The following CNBD1 variants were observed in gnomAD, a reference collection of about 807,000 sequenced individuals.
CNBD1 encodes cyclic nucleotide binding domain containing 1.
In CNBD1, 71 loss-of-function variants were observed where a neutral mutation model predicts 54.4. The observed-to-expected ratio is 1.30, with a 90% CI of 1.08 to 1.59. The LOEUF is 1.59. CNBD1 is among the 40% of genes most tolerant of loss of function. CNBD1 has a pLI of 0.00. For synonymous variants in CNBD1, 182 were observed against 170.7 expected (o/e 1.07, Z -0.51); for missense variants, 659 against 518.0 (o/e 1.27, Z -2.64).
At chr8:87,244,268 C>A (rs1259050221) in intron 6 of CNBD1, among the ~76,000 whole-genome samples, 1 of 152,086 alleles carries the variant, frequency 6.6e-6, no homozygotes, top group Admixed American at 6.6e-5. Context: ...TCTGATAAAC[C>A]TTTCCAAAGG....
At chr8:86,999,930 A>G (rs1261035598) in intron 4 of CNBD1, among the ~76,000 whole-genome samples, 2 of 152,234 alleles carry the variant, frequency 1.3e-5, no homozygotes. Flanking sequence ...ATTCTGCAAC[A>G]TTGCAAAGCA....
intron 4 of CNBD1, among the ~76,000 whole-genome samples, chr8:87,173,414 C>T (rs1483624668): frequency 1.3e-5 from 2 of 152,134 alleles, no homozygotes; most frequent in Non-Finnish European, 2.9e-5. Context: ...TGCTCATTAA[C>T]TTTCTTTTCT....
At chr8:87,371,737 C>T (rs1434469100) in intron 10 of CNBD1, among the ~76,000 whole-genome samples, 1 of 151,866 alleles carries the variant, frequency 6.6e-6, no homozygotes, top group Non-Finnish European at 1.5e-5. Context: ...AGACAAAAAC[C>T]ACATGATTAT....
intron 4 of CNBD1, among the ~76,000 whole-genome samples, chr8:86,944,268 C>A (rs1436686448): frequency 1.3e-5 from 2 of 152,146 alleles, no homozygotes; most frequent in African/African-American, 2.4e-5. Flanking sequence ...ATCCAACATA[C>A]ACTTTTGAAC....
At chr8:86,961,174 A>G (rs1478054164) in intron 4 of CNBD1, among the ~76,000 whole-genome samples, 1 of 152,224 alleles carries the variant, frequency 6.6e-6, no homozygotes, top group Non-Finnish European at 1.5e-5. Context: ...ACATACACAA[A>G]TGAAGATCCA....
rs542704983 is a variant in CNBD1 at position 87,042,864 on chromosome 8, T to G, written c.431+103110T>G. 3.9e-5 allele frequency among the ~76,000 whole-genome samples: 6 copies of G among 152,280 alleles called. No individual in the cohort carries two copies. In the South Asian group the frequency reaches 1.2e-3, roughly 32 times the overall value. Reference sequence around the variant, plus strand: ...ATTCCTCTAAATTGTATAGATATAATTTTAATCTTAGAAATTATATCTATA... The same window carrying G: ...ATTCCTCTAAATTGTATAGATATAAGTTTAATCTTAGAAATTATATCTATA... On this transcript the variant is annotated intron_variant, in intron 4 of 10. Transcript: ENST00000518476.
At chr8:87,373,927 G>A (rs779483110) in intron 10 of CNBD1, among the ~76,000 whole-genome samples, 1 of 151,582 alleles carries the variant, frequency 6.6e-6, no homozygotes, top group African/African-American at 2.4e-5. Context: ...TTAAATATTT[G>A]TATTGCAAAA....
intron 2 of CNBD1, among the ~76,000 whole-genome samples, chr8:87,422,997 G>GT (rs1407594374): frequency 1.3e-5 from 2 of 151,784 alleles, no homozygotes; most frequent in African/African-American, 4.9e-5. Context: ...CACATCCCTT[G>GT]TAAGTTGGAT....
At chr8:87,302,030 C>T (rs374570086) in intron 8 of CNBD1, among the ~76,000 whole-genome samples, 5 of 152,106 alleles carry the variant, frequency 3.3e-5, no homozygotes, top group South Asian at 4.2e-4. Context: ...CAGGACCAGA[C>T]GGATTCACAG....
chr8:87,030,835 T>TCC (rs1173133972), intron 4 of CNBD1, among the ~76,000 whole-genome samples: 2 of 80,694 alleles, frequency 2.5e-5, no homozygotes, highest in African/African-American at 1.1e-4. Flanking sequence ...CCTCCCCTTC[T>TCC]CCCCCCTCCC....
chr8:87,400,248 C>CT (rs1807530250), intron 2 of CNBD1, among the ~76,000 whole-genome samples: 1 of 151,930 alleles, frequency 6.6e-6, no homozygotes, highest in Admixed American at 6.6e-5. Context: ...TTTGCCATTA[C>CT]TTTTAATGGC....
intron 6 of CNBD1, among the ~76,000 whole-genome samples, chr8:87,268,062 G>A (rs1300918496): frequency 6.6e-6 from 1 of 152,072 alleles, no homozygotes; most frequent in African/African-American, 2.4e-5. Flanking sequence ...CACCCAGGTA[G>A]TGAGCACAGT....
chr8:87,228,022 G>C (rs2130816733), intron 5 of CNBD1, among the ~76,000 whole-genome samples: 1 of 151,652 alleles, frequency 6.6e-6, no homozygotes, highest in African/African-American at 2.4e-5. Context: ...CTTTCTTCCA[G>C]TTGATCGCAT....
At chr8:87,188,360 C>T (rs1183770760) in intron 4 of CNBD1, among the ~76,000 whole-genome samples, 1 of 152,162 alleles carries the variant, frequency 6.6e-6, no homozygotes, top group Non-Finnish European at 1.5e-5. Context: ...CAAGGTCTGT[C>T]TCTATCTTTG....
intron 2 of CNBD1, among the ~76,000 whole-genome samples, chr8:87,396,551 G>C (rs559318485): frequency 6.6e-6 from 1 of 151,772 alleles, no homozygotes; most frequent in African/African-American, 2.4e-5. Context: ...TTTTATATTT[G>C]TATTTAAATA....
chr8:86,888,814 T>G (rs1444477340), intron 2 of CNBD1, among the ~76,000 whole-genome samples: 1 of 152,140 alleles, frequency 6.6e-6, no homozygotes, highest in Non-Finnish European at 1.5e-5. Context: ...TCATTTTCGT[T>G]TTGCTTTCTG....
At chr8:87,292,040 C>A (rs1437153381) in intron 8 of CNBD1, among the ~76,000 whole-genome samples, 1 of 152,132 alleles carries the variant, frequency 6.6e-6, no homozygotes, top group Non-Finnish European at 1.5e-5. Flanking sequence ...CTGCTCAGTA[C>A]ATCTGGGTTG....
intron 4 of CNBD1, among the ~76,000 whole-genome samples, chr8:87,092,556 T>TAC (rs1563465720): frequency 2.4e-4 from 13 of 54,070 alleles, no homozygotes; most frequent in East Asian, 6.0e-4. Context: ...TATATATATA[T>TAC]ACACATATGT....
intron 4 of CNBD1, among the ~76,000 whole-genome samples, chr8:86,972,789 T>C (rs1808253050): frequency 6.6e-6 from 1 of 152,162 alleles, no homozygotes. Context: ...TCTGAGTTAT[T>C]ATTCCCTGGT....
Sources: gnomAD v4.1 joint callset for allele counts (sites outside exome capture counted in the v4.1 genomes callset) on GRCh38, gnomAD v4.1.1 for gene constraint, MANE v1.5 for transcripts, NCBI Gene and HGNC (gene_info 2026-07-23, HGNC 2026-07-21) for gene names.